The following MYO5A variants were observed in gnomAD, a reference collection of about 807,000 sequenced individuals.
MYO5A encodes the protein unconventional myosin-Va.
Under a neutral mutation model 249.7 loss-of-function variants are expected in MYO5A, and 98 were observed. The ratio of observed to expected loss-of-function variants is 0.39; its 90% confidence interval spans 0.33 to 0.46. The LOEUF is 0.46. Among genes scored for constraint, MYO5A ranks in the 20% least tolerant of loss-of-function variants. MYO5A has a pLI of 0.98. For synonymous variants in MYO5A, 778 were observed against 810.6 expected (o/e 0.96, Z 0.68); for missense variants, 1,696 against 2,308.8 (o/e 0.73, Z 5.44).
At chr15:52,351,911 T>C (rs1462565626) in intron 27 of MYO5A, among the ~76,000 whole-genome samples, 3 of 152,242 alleles carry the variant, frequency 2.0e-5, no homozygotes, top group South Asian at 2.1e-4. Flanking sequence ...AAGTCTTTAG[T>C]AGTCTCCTCT....
At chr15:52,479,384 T>A (rs992087619) in intron 1 of MYO5A, among the ~76,000 whole-genome samples, 1 of 150,742 alleles carries the variant, frequency 6.6e-6, no homozygotes, top group Non-Finnish European at 1.5e-5. Flanking sequence ...CTTTTTCTTA[T>A]TTTTTTCGAT....
intron 1 of MYO5A, among the ~76,000 whole-genome samples, chr15:52,450,030 C>CT (rs943326690): frequency 6.6e-6 from 1 of 152,030 alleles, no homozygotes; most frequent in African/African-American, 2.4e-5. Flanking sequence ...CAGGCTCAGG[C>CT]TTTAGAGCAG....
At position 52,319,038 on chromosome 15, in the gene MYO5A, G is replaced by A. The variant is rs113571527; in HGVS notation, c.5234+22C>T. On this transcript the variant is annotated intron_variant, in intron 39 of 41. Transcript: ENST00000399233. The stretch of plus-strand genomic sequence containing the variant: ...AGCTGGGCAGCAAAAAGACACTGTC[G>A]CAGGTGTTGGCATTTGCTCACCTGA... The A allele has an allele frequency of 2.1e-3, 3,444 of 1,613,350 alleles. 44 individuals are homozygous for A. The African/African-American group carries it at 0.029, about 14-fold the overall frequency.
chr15:52,418,686 C>G (rs889481847), intron 4 of MYO5A, among the ~76,000 whole-genome samples: 1 of 149,298 alleles, frequency 6.7e-6, no homozygotes, highest in Non-Finnish European at 1.5e-5. Context: ...TAGAAGCACT[C>G]GAAACCCCAG....
intron 1 of MYO5A, among the ~76,000 whole-genome samples, chr15:52,461,569 G>A (rs2076248579): frequency 6.6e-6 from 1 of 152,130 alleles, no homozygotes; most frequent in African/African-American, 2.4e-5. Context: ...AAGCATGAAG[G>A]GGCTCTAGGT....
chr15:52,482,538 T>C (rs1315280824), intron 1 of MYO5A, among the ~76,000 whole-genome samples: 4 of 152,168 alleles, frequency 2.6e-5, no homozygotes, highest in Admixed American at 1.3e-4. Context: ...ACAGACACCA[T>C]AAGTACTGGC....
chr15:52,327,885 T>A lies in MYO5A; in HGVS notation c.4677A>T (p.Thr1559=). Residue 1559 remains threonine (T), a synonymous_variant, in exon 36 of 42, where the codon ACA becomes ACT. Transcript: ENST00000399233. ...CTTTTTTGATGCTGTTAATTGTTGATGTTAGCAACGACCTTACTTTCTGAT... is the reference window on the plus strand; with the variant it reads ...CTTTTTTGATGCTGTTAATTGTTGAAGTTAGCAACGACCTTACTTTCTGAT... ...NDDQKVRSLL[T]STINSIKKVL... is the part of the protein sequence containing the mutation. The A allele has an allele frequency of 6.2e-7, 1 of 1,614,064 alleles. No homozygotes were observed. The highest frequency in any genetic ancestry group is 8.5e-7 in the Non-Finnish European group (1 of 1,179,906).
At chr15:52,492,380 C>T (rs1022399149) in intron 1 of MYO5A, among the ~76,000 whole-genome samples, 1 of 152,208 alleles carries the variant, frequency 6.6e-6, no homozygotes, top group Non-Finnish European at 1.5e-5. Flanking sequence ...ACAGGATGGG[C>T]TTAATTCCCC....
At chr15:52,477,272 TTACTC>T (rs2076616177) in intron 1 of MYO5A, among the ~76,000 whole-genome samples, 1 of 152,212 alleles carries the variant, frequency 6.6e-6, no homozygotes, top group South Asian at 2.1e-4. Flanking sequence ...TCTACGCTGT[TTACTC>T]TAGTTAGCCA....
chr15:52,490,731 T>C (rs2076918027), intron 1 of MYO5A, among the ~76,000 whole-genome samples: 1 of 152,136 alleles, frequency 6.6e-6, no homozygotes, highest in Non-Finnish European at 1.5e-5. Context: ...GTTGTTGTTG[T>C]TGTTTGAGAC....
At chr15:52,447,301 C>T (rs1323784427) in intron 1 of MYO5A, among the ~76,000 whole-genome samples, 1 of 152,086 alleles carries the variant, frequency 6.6e-6, no homozygotes, top group Admixed American at 6.5e-5. Context: ...CTTTCTCTCT[C>T]CCCAATCCTT....
At position 52,490,415 on chromosome 15, in the gene MYO5A, A is replaced by G. The variant is rs1461406914; in HGVS notation, c.27+38365T>C. Among the ~76,000 whole-genome samples the G allele has an allele frequency of 2.6e-5, 4 of 152,316 alleles. No homozygotes were observed. In the South Asian group the frequency reaches 8.3e-4, roughly 32 times the overall value. On this transcript the variant is annotated intron_variant, in intron 1 of 41. Transcript: ENST00000399233. Reference sequence around the variant, plus strand: ...AGAATATTATTTGGCCTCAAAAGAGAAGGAAATTCTGAAAGATGTCACGAC... The same window carrying G: ...AGAATATTATTTGGCCTCAAAAGAGGAGGAAATTCTGAAAGATGTCACGAC...
At chr15:52,348,489 G>A (rs1329650401) in intron 29 of MYO5A, among the ~76,000 whole-genome samples, 5 of 152,138 alleles carry the variant, frequency 3.3e-5, no homozygotes, top group Admixed American at 3.3e-4. Context: ...GCTCAGGAGA[G>A]CCTGTGCTTT....
intron 31 of MYO5A, 80 bp from the exon 32 acceptor site, chr15:52,340,474 T>C (rs2039326738): frequency 8.1e-7 from 1 of 1,233,652 alleles, no homozygotes; most frequent in Non-Finnish European, 1.2e-6. Flanking sequence ...TCGTGTTCAC[T>C]TGCAAGAGTA....
rs1431506461 is a variant in MYO5A at position 52,364,544 on chromosome 15, T to C, written c.3309+10A>G. 2 of 1,607,882 alleles carry C rather than the reference T, an allele frequency of 1.2e-6. No individual in the cohort carries two copies. The highest frequency in any genetic ancestry group is 8.5e-7 in the Non-Finnish European group (1 of 1,178,532). ...TTTCATTAAAAAAAAAACAAAAGTGTTTGACTCACCACCATAAGGGTCATC... is the reference window on the plus strand; with the variant it reads ...TTTCATTAAAAAAAAAACAAAAGTGCTTGACTCACCACCATAAGGGTCATC... On this transcript the variant is annotated intron_variant, in intron 24 of 41. Coordinates refer to ENST00000399233, the MANE Select transcript of MYO5A (RefSeq NM_001382347.1).
chr15:52,363,347 A>G (rs556964670), intron 24 of MYO5A, among the ~76,000 whole-genome samples: 28 of 152,360 alleles, frequency 1.8e-4, no homozygotes, highest in African/African-American at 6.7e-4. Flanking sequence ...TAGATTTGTC[A>G]ATTATAAGAA....
chr15:52,324,021 A>AAAAAAAAAAC (rs2038468848), intron 36 of MYO5A: 1 of 124,294 alleles, frequency 8.0e-6, no homozygotes, highest in Non-Finnish European at 1.5e-5. Context: ...AAAAAAAAAA[A>AAAAAAAAAAC]AAAAAAAAAA....
chr15:52,386,445 T>A (rs2041975903), intron 14 of MYO5A, among the ~76,000 whole-genome samples: 1 of 152,146 alleles, frequency 6.6e-6, no homozygotes, highest in African/African-American at 2.4e-5. Flanking sequence ...CCAATAAAGA[T>A]CTTTAACTGA....
chr15:52,520,012 G>C (rs2077583857), intron 1 of MYO5A, among the ~76,000 whole-genome samples: 1 of 152,156 alleles, frequency 6.6e-6, no homozygotes, highest in Non-Finnish European at 1.5e-5. Context: ...TTACAGGCAT[G>C]AGCCACCGCA....
Sources: allele counts gnomAD v4.1 joint callset (sites outside exome capture counted in the v4.1 genomes callset), GRCh38; gene constraint gnomAD v4.1.1; transcripts MANE v1.5; gene names NCBI Gene and HGNC (gene_info 2026-07-23, HGNC 2026-07-21).